VRK2: variants seen among roughly 807,000 people sequenced by gnomAD.
VRK2 encodes the protein VRK serine/threonine kinase 2, also known as serine/threonine-protein kinase VRK2.
A neutral mutation model predicts 57.6 loss-of-function variants in VRK2; 60 were observed. The ratio of observed to expected loss-of-function variants is 1.04; its 90% CI spans 0.85 to 1.29. The LOEUF (loss-of-function observed/expected upper bound fraction) is 1.29, where lower values mean the gene tolerates loss of function less well. Ranked by LOEUF, VRK2 falls within the 50% of genes most tolerant of loss-of-function variation. VRK2 has a pLI of 0.00. For missense variants in VRK2, 705 were observed against 588.1 expected (o/e 1.20, Z -2.06); for synonymous variants, 231 against 199.2 (o/e 1.16, Z -1.35).
At chr2:57,908,712 A>G (rs1056454164) in intron 1 of VRK2, among the ~76,000 whole-genome samples, 2 of 152,186 alleles carry the variant, frequency 1.3e-5, no homozygotes, top group Non-Finnish European at 2.9e-5. Flanking sequence ...CCAGATTTGA[A>G]GAATAGTTTT....
In VRK2 at chr2:58,146,355, G is replaced by C; in HGVS notation, c.1063G>C (p.Ala355Pro). ...QKAATKQVNK[A>P]HNRLIEKKVH... ...GGCTGCAACAAAGCAAGTCAACAAG[G>C]CACACAATAGGTTAATCGAAAAAAA... is the stretch of plus-strand genomic sequence containing the variant. Residue 355 changes from alanine (A) to proline (P), a missense_variant, in exon 12 of 13, where the codon GCA becomes CCA. Coordinates refer to ENST00000340157, the MANE Select transcript of VRK2 (RefSeq NM_006296.7). 6.2e-7 allele frequency: 1 copy of C among 1,611,012 alleles called. No individual in the cohort carries two copies. The highest frequency in any genetic ancestry group is 8.5e-7 in the Non-Finnish European group (1 of 1,178,002).
intron 1 of VRK2, among the ~76,000 whole-genome samples, chr2:57,945,015 A>C (rs1050595559): frequency 2.0e-5 from 3 of 152,212 alleles, no homozygotes; most frequent in Non-Finnish European, 4.4e-5. Flanking sequence ...GAGACTCAGC[A>C]TGGGCTCAGA....
chr2:58,101,643 C>T (rs1041259840), intron 7 of VRK2, among the ~76,000 whole-genome samples: 1 of 151,594 alleles, frequency 6.6e-6, no homozygotes, highest in Non-Finnish European at 1.5e-5. Context: ...ATAAATCCAG[C>T]AGCCTAGATC....
chr2:57,955,536 C>T (rs1185400678), intron 1 of VRK2, among the ~76,000 whole-genome samples: 6 of 152,078 alleles, frequency 3.9e-5, no homozygotes, highest in African/African-American at 1.4e-4. Flanking sequence ...ACAGCAAAAT[C>T]TGAAAGTGCT....
intron 1 of VRK2, among the ~76,000 whole-genome samples, chr2:58,014,289 A>C (rs1011487258): frequency 1.3e-5 from 2 of 152,246 alleles, no homozygotes; most frequent in African/African-American, 4.8e-5. Context: ...GTAAATTATC[A>C]ATACTGTATG....
In VRK2 at chr2:58,028,895, AATAAATAAATATATATAT is replaced by A. The variant is rs1378813107; in HGVS notation, c.-333+3129_-333+3146del. The stretch of plus-strand genomic sequence containing the variant: ...GAACTTAAAGTATAATAAATAAATA[AATAAATAAATATATATAT>A]ATATATATATATATATATATATATA... On this transcript the variant is annotated intron_variant, in intron 2 of 15. Coordinates refer to the VRK2 transcript ENST00000417641. Among the ~76,000 whole-genome samples the A allele has an allele frequency of 1.4e-3, 78 of 57,306 alleles. 2 individuals are homozygous for A. Among genetic ancestry groups the A allele is most frequent in the African/African-American group, 5.2e-3 (74 of 14,100 alleles). The allele number at this position is 57,306 out of a possible 152,430, so 37.6% of individuals were successfully genotyped here.
At chr2:58,019,824 T>C (rs562147661) in intron 1 of VRK2, among the ~76,000 whole-genome samples, 1 of 152,276 alleles carries the variant, frequency 6.6e-6, no homozygotes, top group African/African-American at 2.4e-5. Flanking sequence ...AAAATTAAAG[T>C]AGAACAACTG....
chr2:57,975,366 T>C (rs1269486191), intron 1 of VRK2, among the ~76,000 whole-genome samples: 1 of 152,084 alleles, frequency 6.6e-6, no homozygotes, highest in Admixed American at 6.6e-5. Context: ...ATATACTCTA[T>C]AGACTTTTTA....
chr2:57,954,102 T>C (rs72947176), intron 1 of VRK2, among the ~76,000 whole-genome samples: 2,227 of 152,260 alleles, frequency 0.015, 84 homozygotes, highest in African/African-American at 0.051. Flanking sequence ...TCTACATATT[T>C]ATATTTCTGC....
At chr2:58,076,989 T>C (rs1250884749) in intron 2 of VRK2, among the ~76,000 whole-genome samples, 2 of 152,178 alleles carry the variant, frequency 1.3e-5, no homozygotes, top group East Asian at 3.9e-4. Flanking sequence ...AAAATTAGCA[T>C]TGATACAATA....
chr2:57,987,384 C>T (rs1238640965), intron 1 of VRK2, among the ~76,000 whole-genome samples: 1 of 151,886 alleles, frequency 6.6e-6, no homozygotes, highest in Non-Finnish European at 1.5e-5. Flanking sequence ...ATACATATGG[C>T]AAATATGCAC....
intron 2 of VRK2, among the ~76,000 whole-genome samples, chr2:58,080,442 G>T (rs1175340420): frequency 6.6e-6 from 1 of 151,792 alleles, no homozygotes; most frequent in African/African-American, 2.4e-5. Flanking sequence ...TATACATTAT[G>T]GGACTGTATT....
intron 1 of VRK2, among the ~76,000 whole-genome samples, chr2:57,999,814 C>A (rs1295368886): frequency 6.6e-6 from 1 of 152,112 alleles, no homozygotes; most frequent in African/African-American, 2.4e-5. Context: ...AAAGTAGAGT[C>A]CTTAAGCACT....
intron 1 of VRK2, among the ~76,000 whole-genome samples, chr2:57,999,399 A>G (rs1277764979): frequency 2.0e-5 from 3 of 152,200 alleles, no homozygotes; most frequent in African/African-American, 7.2e-5. Flanking sequence ...TTCTACATGT[A>G]TGCACGTAAT....
intron 1 of VRK2, among the ~76,000 whole-genome samples, chr2:57,991,620 C>A (rs981211057): frequency 2.6e-5 from 4 of 151,930 alleles, no homozygotes; most frequent in Admixed American, 2.6e-4. Flanking sequence ...GTGAACTATT[C>A]CCTAGTCTCC....
At chr2:58,137,192 A>ACATATAT (rs1359927434) in intron 10 of VRK2, among the ~76,000 whole-genome samples, 1,960 of 54,816 alleles carry the variant, frequency 0.036, 100 homozygotes, top group Non-Finnish European at 0.041. Context: ...CATATATGAT[A>ACATATAT]CATATATATC....
At chr2:57,953,285 T>C (rs1030681780) in intron 1 of VRK2, among the ~76,000 whole-genome samples, 2 of 152,224 alleles carry the variant, frequency 1.3e-5, no homozygotes, top group Non-Finnish European at 2.9e-5. Flanking sequence ...TTGATTGTAA[T>C]GCACTTTTTC....
intron 9 of VRK2, among the ~76,000 whole-genome samples, chr2:58,134,596 C>T (rs957104358): frequency 3.8e-5 from 5 of 130,694 alleles, no homozygotes; most frequent in South Asian, 2.3e-4. Flanking sequence ...CCGGCCTGGG[C>T]GACAGAGCGA....
intron 7 of VRK2, among the ~76,000 whole-genome samples, chr2:58,118,499 G>A (rs960421800): frequency 2.0e-5 from 3 of 152,204 alleles, no homozygotes; most frequent in African/African-American, 7.2e-5. Context: ...AGGAGAAAGA[G>A]GTTGAGGGAT....
Sources: gnomAD v4.1 joint callset for allele counts (sites outside exome capture counted in the v4.1 genomes callset) on GRCh38, gnomAD v4.1.1 for gene constraint, MANE v1.5 for transcripts, NCBI Gene and HGNC (gene_info 2026-07-23, HGNC 2026-07-21) for gene names.